The following SYT1 variants were observed in gnomAD, a reference collection of about 807,000 sequenced individuals.
SYT1 encodes synaptotagmin 1, also known as synaptotagmin-1.
SYT1 carries 8 observed loss-of-function variants against 44.8 expected under a neutral mutation model. The ratio of observed to expected loss-of-function variants is 0.18; its 90% CI spans 0.10 to 0.32. The LOEUF (loss-of-function observed/expected upper bound fraction) is 0.32. Among genes scored for constraint, SYT1 ranks in the 10% least tolerant of loss-of-function variants. The probability of loss-of-function intolerance (pLI) is 1.00; values close to 1 mark genes in which losing one functional copy is unlikely to be tolerated. For synonymous variants in SYT1, 154 were observed against 188.8 expected, an observed-to-expected ratio of 0.82 and a Z score of 1.51; for missense variants, 286 against 509.3, an observed-to-expected ratio of 0.56 and a Z score of 4.22.
chr12:79,308,624 GA>G (rs756782156), intron 8 of SYT1, among the ~76,000 whole-genome samples: 1 of 33,196 alleles, frequency 3.0e-5, no homozygotes, highest in Non-Finnish European at 6.1e-5. Context: ...AAGAAAGAAA[GA>G]AAGAAAGAAA....
chr12:78,983,365 G>T (rs575756183), intron 2 of SYT1, among the ~76,000 whole-genome samples: 2 of 151,974 alleles, frequency 1.3e-5, no homozygotes, highest in Admixed American at 1.3e-4. Flanking sequence ...GGCCTCAAAG[G>T]CATCTTTTCT....
At chr12:79,216,263 G>T (rs1874799261) in intron 3 of SYT1, among the ~76,000 whole-genome samples, 1 of 151,882 alleles carries the variant, frequency 6.6e-6, no homozygotes, top group Admixed American at 6.6e-5. Context: ...CTTGTTTGCT[G>T]GTTATCTCCA....
intron 2 of SYT1, among the ~76,000 whole-genome samples, chr12:79,038,200 CATATATATACACACAT>C (rs1402289213): frequency 2.0e-5 from 3 of 150,440 alleles, no homozygotes; most frequent in Admixed American, 6.7e-5. Flanking sequence ...TATATATACA[CATATATATACACACAT>C]ATATATATAC....
rs77708528 is a variant in SYT1 at position 78,896,811 on chromosome 12, C to T, written c.-217+31702C>T. 5.6e-3 allele frequency among the ~76,000 whole-genome samples: 844 copies of T among 151,450 alleles called. 12 individuals carry two copies. The highest frequency in any genetic ancestry group is 0.019 in the African/African-American group (777 of 41,368). ...TATCTTCATTTCTTTTTGATGAATACAAAAAGAGAAAAAGGAAGTAGTTTT... is the reference window on the plus strand; with the variant it reads ...TATCTTCATTTCTTTTTGATGAATATAAAAAGAGAAAAAGGAAGTAGTTTT... On this transcript the variant is annotated intron_variant, in intron 1 of 10. Coordinates refer to ENST00000261205, the MANE Select transcript of SYT1 (RefSeq NM_005639.3).
intron 8 of SYT1, among the ~76,000 whole-genome samples, chr12:79,311,027 C>T (rs1880757081): frequency 6.6e-6 from 1 of 152,366 alleles, no homozygotes; most frequent in African/African-American, 2.4e-5. Context: ...TGCCTAATGG[C>T]CCTGGCCAGA....
chr12:79,181,979 T>C (rs1476646201), intron 3 of SYT1, among the ~76,000 whole-genome samples: 1 of 152,074 alleles, frequency 6.6e-6, no homozygotes, highest in African/African-American at 2.4e-5. Context: ...TTTATAATGT[T>C]TTAAATCTTT....
chr12:79,087,959 T>G (rs1236726580), intron 3 of SYT1, among the ~76,000 whole-genome samples: 2 of 152,068 alleles, frequency 1.3e-5, no homozygotes, highest in African/African-American at 4.8e-5. Flanking sequence ...GAACTGGCCC[T>G]TAGGGTACAC....
chr12:79,385,772 G>C (rs1884412747), intron 9 of SYT1, among the ~76,000 whole-genome samples: 1 of 151,972 alleles, frequency 6.6e-6, no homozygotes, highest in African/African-American at 2.4e-5. Flanking sequence ...AAAATGTGTT[G>C]TATATGAATA....
intron 8 of SYT1, among the ~76,000 whole-genome samples, chr12:79,300,253 A>AT (rs1880071612): frequency 6.6e-6 from 1 of 152,166 alleles, no homozygotes; most frequent in African/African-American, 2.4e-5. Context: ...TGGCACCAGC[A>AT]TTTTTCTCTG....
chr12:79,394,870 A>G (rs1884807953), intron 9 of SYT1, among the ~76,000 whole-genome samples: 1 of 152,230 alleles, frequency 6.6e-6, no homozygotes, highest in South Asian at 2.1e-4. Context: ...TATTAAATAC[A>G]TTAGGTTATT....
chr12:78,874,707 C>T (rs890738777), intron 1 of SYT1, among the ~76,000 whole-genome samples: 6 of 151,504 alleles, frequency 4.0e-5, no homozygotes, highest in Non-Finnish European at 5.9e-5. Flanking sequence ...AATATTCTGG[C>T]TTCAGTCATA....
In SYT1 at chr12:79,115,169, A is replaced by C. The variant is rs995947471; in HGVS notation, c.-18+67807A>C. 3.3e-5 allele frequency among the ~76,000 whole-genome samples: 5 copies of C among 152,296 alleles called. No individual in the cohort carries two copies. In the East Asian group the frequency reaches 9.7e-4, roughly 29 times the overall value. On this transcript the variant is annotated intron_variant, in intron 3 of 10. Transcript: ENST00000261205. ...ACATACTCCCCATAGTCATCTTGAA[A>C]TTTATTAGAATATCATAAAATTATA...
At chr12:78,901,416 T>C (rs1044653320) in intron 1 of SYT1, among the ~76,000 whole-genome samples, 2 of 152,126 alleles carry the variant, frequency 1.3e-5, no homozygotes, top group African/African-American at 4.8e-5. Context: ...AAACACACAC[T>C]GTATTTAAAC....
intron 8 of SYT1, among the ~76,000 whole-genome samples, chr12:79,350,343 C>G (rs1379240334): frequency 6.6e-6 from 1 of 150,982 alleles, no homozygotes; most frequent in Non-Finnish European, 1.5e-5. Flanking sequence ...AGCTCCGCCT[C>G]CCGGGTTCAC....
At chr12:79,097,366 T>C (rs1056864945) in intron 3 of SYT1, among the ~76,000 whole-genome samples, 9 of 152,032 alleles carry the variant, frequency 5.9e-5, no homozygotes, top group African/African-American at 2.2e-4. Flanking sequence ...TAAGCATATA[T>C]TCCTTGGTTT....
chr12:79,182,692 A>G (rs1872609416), intron 3 of SYT1, among the ~76,000 whole-genome samples: 1 of 152,110 alleles, frequency 6.6e-6, no homozygotes, highest in African/African-American at 2.4e-5. Flanking sequence ...CTATAATTTA[A>G]AAGCATAAAT....
chr12:78,946,126 A>G (rs1237773905), intron 1 of SYT1, among the ~76,000 whole-genome samples: 1 of 152,056 alleles, frequency 6.6e-6, no homozygotes, highest in Non-Finnish European at 1.5e-5. Flanking sequence ...CTTAAATAAA[A>G]CTCCTTTGTT....
intron 4 of SYT1, among the ~76,000 whole-genome samples, chr12:79,238,165 T>C (rs1876297446): frequency 6.8e-6 from 1 of 147,590 alleles, no homozygotes; most frequent in Non-Finnish European, 1.5e-5. Flanking sequence ...CAACTTACTG[T>C]AGGATACATT....
intron 1 of SYT1, among the ~76,000 whole-genome samples, chr12:78,897,826 G>A (rs1055421826): frequency 2.0e-5 from 3 of 152,052 alleles, no homozygotes; most frequent in Non-Finnish European, 2.9e-5. Flanking sequence ...CCAAGCCTCT[G>A]ATGCCTTTGT....
Sources: gnomAD v4.1 joint callset for allele counts (sites outside exome capture counted in the v4.1 genomes callset) on GRCh38, gnomAD v4.1.1 for gene constraint, MANE v1.5 for transcripts, NCBI Gene and HGNC (gene_info 2026-07-23, HGNC 2026-07-21) for gene names.